KIF25: variants seen among roughly 807,000 people sequenced by gnomAD.
KIF25 encodes kinesin family member 25, also known as kinesin-like protein KIF25.
A neutral mutation model predicts 32.9 loss-of-function variants in KIF25; 19 were observed. That is an observed-to-expected ratio of 0.58 (90% confidence interval 0.40 to 0.85). The LOEUF (loss-of-function observed/expected upper bound fraction) is 0.85, where lower values mean the gene tolerates loss of function less well. KIF25 is among the 40% of genes least tolerant of loss of function. KIF25 has a pLI of 0.00. For missense variants in KIF25, 485 were observed against 507.0 expected (o/e 0.96, Z 0.42); for synonymous variants, 225 against 213.7 (o/e 1.05, Z -0.46).
chr6:168,044,987 G>A lies in KIF25; in HGVS notation c.1146G>A (p.Arg382=). Residue 382 remains arginine, a synonymous_variant, in exon 13 of 13, where the codon AGG becomes AGA. Transcript: ENST00000643607. Reference sequence around the variant, plus strand: ...GCTCCCAAACGGAGGGGAAGAGGAGGCCGGATTGAATGCATTAACAAGTTT... The same window carrying A: ...GCTCCCAAACGGAGGGGAAGAGGAGACCGGATTGAATGCATTAACAAGTTT... ...PPSSQTEGKR[R]PD is the part of the protein sequence containing the mutation. 1 of 1,592,598 alleles carries A rather than the reference G, an allele frequency of 6.3e-7. No homozygotes were observed. Among genetic ancestry groups the A allele is most frequent in the Non-Finnish European group, 8.6e-7 (1 of 1,168,322 alleles).
intron 8 of KIF25, among the ~76,000 whole-genome samples, chr6:168,037,248 A>G (rs1258988490): frequency 6.6e-6 from 1 of 152,152 alleles, no homozygotes; most frequent in Non-Finnish European, 1.5e-5. Flanking sequence ...CTTTCATTTT[A>G]GTCTTCATCA....
chr6:168,043,861 G>A (rs575453115), intron 12 of KIF25, among the ~76,000 whole-genome samples: 106 of 152,164 alleles, frequency 7.0e-4, no homozygotes, highest in Non-Finnish European at 1.4e-3. Flanking sequence ...CTTAACCCTC[G>A]TTACGGGTCC....
intron 4 of KIF25, among the ~76,000 whole-genome samples, chr6:168,014,590 C>A (rs117147351): frequency 3.3e-5 from 5 of 152,144 alleles, no homozygotes; most frequent in Non-Finnish European, 7.3e-5. Context: ...CTGGCTCCCA[C>A]GTTATGTTTT....
In KIF25 at chr6:168,044,947, G is replaced by A. The variant is rs770647900; in HGVS notation, c.1106G>A (p.Arg369Gln). Residue 369 changes from arginine to glutamine, a missense_variant, in exon 13 of 13, where the codon CGA becomes CAA. By Grantham distance (43) the Arg-to-Gln change is conservative. Around this residue, in one of 2 missense-constraint regions of KIF25, gnomAD observed 480 missense variants for 470.3 expected, o/e 1.02. Transcript: ENST00000643607. The stretch of plus-strand genomic sequence containing the variant: ...CGGCAAGTCCAGCGAGGCCCTGCCC[G>A]AAAGAAGCCGCCCAGCTCCCAAACG... ...RARQVQRGPA[R>Q]KKPPSSQTEG... 15 of 1,610,716 alleles carry A rather than the reference G, an allele frequency of 9.3e-6. No individual in the cohort carries two copies. In the South Asian group the frequency reaches 9.9e-5, roughly 11 times the overall value.
At chr6:168,024,892 A>G (rs1024302356) in intron 5 of KIF25, among the ~76,000 whole-genome samples, 1 of 152,082 alleles carries the variant, frequency 6.6e-6, no homozygotes, top group African/African-American at 2.4e-5. Flanking sequence ...CTCTACTAAA[A>G]ATACAAAAAT....
intron 8 of KIF25, among the ~76,000 whole-genome samples, chr6:168,036,819 T>G (rs1000530541): frequency 2.0e-5 from 3 of 152,196 alleles, no homozygotes; most frequent in Admixed American, 6.5e-5. Context: ...CCCATAACTT[T>G]GGGAGGCTTA....
At chr6:168,035,072 G>C (rs1218609137) in intron 8 of KIF25, among the ~76,000 whole-genome samples, 3 of 116,390 alleles carry the variant, frequency 2.6e-5, no homozygotes, top group African/African-American at 1.0e-4. Context: ...GGGGAACTGA[G>C]GTAGAAAAAA....
At chr6:168,005,386 G>A (rs1206194324) in intron 4 of KIF25, among the ~76,000 whole-genome samples, 4 of 152,160 alleles carry the variant, frequency 2.6e-5, no homozygotes, top group East Asian at 1.9e-4. Context: ...CAGCCTGCAC[G>A]CTGCCCTGCG....
At chr6:168,027,174 C>T (rs1412322146) in intron 5 of KIF25, among the ~76,000 whole-genome samples, 6 of 151,972 alleles carry the variant, frequency 3.9e-5, no homozygotes, top group Non-Finnish European at 8.8e-5. Context: ...GAAAGGTGGC[C>T]GGGGGTGGTG....
At position 168,042,157 on chromosome 6, in the gene KIF25, CA is replaced by C; in HGVS notation, c.829+7del. The C allele has an allele frequency of 1.3e-6, 2 of 1,546,466 alleles. No individual in the cohort carries two copies. Among genetic ancestry groups the C allele is most frequent in the South Asian group, 1.2e-5 (1 of 83,878 alleles). On this transcript the variant is annotated splice_region_variant and intron_variant, in intron 11 of 12. Transcript: ENST00000643607. ...GGCCGGCAGCGAGTGCGTTGGTGAGCAGGGGCAGGCATTTCCCTGGGGGGTG... is the reference window on the plus strand; with the variant it reads ...GGCCGGCAGCGAGTGCGTTGGTGAGCGGGGCAGGCATTTCCCTGGGGGGTG...
chr6:168,037,171 C>T (rs1305498719), intron 8 of KIF25, among the ~76,000 whole-genome samples: 1 of 152,244 alleles, frequency 6.6e-6, no homozygotes, highest in Non-Finnish European at 1.5e-5. Flanking sequence ...CAGTGCTGAA[C>T]CTGTCGAATC....
chr6:168,042,835 C>T lies in KIF25; in HGVS notation c.985+119C>T, dbSNP rs914500422. 2.4e-6 allele frequency: 3 copies of T among 1,225,826 alleles called. No homozygotes were observed. In the African/African-American group the frequency reaches 4.6e-5, roughly 19 times the overall value. The allele number at this position is 1,225,826 out of a possible 1,614,324, so 75.9% of individuals were successfully genotyped here. On this transcript the variant is annotated intron_variant, in intron 12 of 12. Transcript: ENST00000643607. Reference sequence around the variant, plus strand: ...CATGCACCCCCTGCACCTCCTGTGTCCTCGCTGTGGCTAGCTGGCACTCCC... The same window carrying T: ...CATGCACCCCCTGCACCTCCTGTGTTCTCGCTGTGGCTAGCTGGCACTCCC...
intron 2 of KIF25, among the ~76,000 whole-genome samples, chr6:168,000,686 CT>C (rs1377041218): frequency 6.6e-6 from 1 of 152,064 alleles, no homozygotes; most frequent in Non-Finnish European, 1.5e-5. Context: ...ACACCTGGCC[CT>C]CCCCACTCCC....
At chr6:168,041,913 A>G (rs1322755083) in intron 10 of KIF25, 56 bp from the exon 11 acceptor site, 24 of 1,514,478 alleles carry the variant, frequency 1.6e-5, no homozygotes, top group Non-Finnish European at 1.9e-5. Context: ...GGCAAAGCAC[A>G]GCCTCATGGC....
At chr6:168,034,614 G>C (rs974469666) in intron 8 of KIF25, among the ~76,000 whole-genome samples, 2 of 152,168 alleles carry the variant, frequency 1.3e-5, no homozygotes, top group African/African-American at 4.8e-5. Flanking sequence ...GGCAGGGGTG[G>C]AGGTGGGGGA....
intron 7 of KIF25, among the ~76,000 whole-genome samples, chr6:168,031,764 C>T (rs1025220464): frequency 2.6e-5 from 4 of 152,200 alleles, no homozygotes; most frequent in Admixed American, 6.5e-5. Context: ...GCCAGAACTG[C>T]CTTTCCAGGA....
intron 4 of KIF25, among the ~76,000 whole-genome samples, chr6:168,010,410 G>A (rs982536610): frequency 1.3e-5 from 2 of 152,010 alleles, no homozygotes; most frequent in African/African-American, 4.8e-5. Flanking sequence ...CATGTTGCTC[G>A]ATTTCCATGT....
intron 4 of KIF25, among the ~76,000 whole-genome samples, chr6:168,010,490 A>G (rs1164454257): frequency 1.3e-5 from 2 of 152,122 alleles, no homozygotes; most frequent in African/African-American, 4.8e-5. Context: ...CGAATAAGAC[A>G]CTAGATGTGG....
At chr6:168,028,656 T>C (rs377207015) in intron 5 of KIF25, among the ~76,000 whole-genome samples, 18 of 152,260 alleles carry the variant, frequency 1.2e-4, no homozygotes, top group East Asian at 7.7e-4. Flanking sequence ...TTGGGGGGGA[T>C]TGAGGTAAGT....
Sources: allele counts gnomAD v4.1 joint callset (sites outside exome capture counted in the v4.1 genomes callset), GRCh38; gene constraint gnomAD v4.1.1; regional missense constraint gnomAD v4.1.1; transcripts MANE v1.5; gene names NCBI Gene and HGNC (gene_info 2026-07-23, HGNC 2026-07-21).